Variants in PPP4R1 observed in about 807,000 individuals in gnomAD.
PPP4R1 encodes the protein protein phosphatase 4 regulatory subunit 1, also known as serine/threonine-protein phosphatase 4 regulatory subunit 1.
A neutral mutation model predicts 111.2 loss-of-function variants in PPP4R1; 42 were observed. That is an observed-to-expected ratio of 0.38 (90% CI 0.29 to 0.49). PPP4R1 has a LOEUF of 0.49. Among genes scored for constraint, PPP4R1 ranks in the 20% least tolerant of loss-of-function variants. PPP4R1 has a pLI of 0.97. For missense variants in PPP4R1, 1,012 were observed against 1,161.6 expected (o/e 0.87, Z 1.87); for synonymous variants, 409 against 405.5 (o/e 1.01, Z -0.10).
intron 6 of PPP4R1, chr18:9,587,634 GGTCTC>G (rs2067142051): frequency 6.5e-6 from 1 of 152,868 alleles, no homozygotes; most frequent in African/African-American, 2.4e-5. Context: ...TCAAACCCCT[GGTCTC>G]AAGTGATCCT....
At chr18:9,607,815 G>A (rs1003302814) in intron 2 of PPP4R1, among the ~76,000 whole-genome samples, 23 of 135,698 alleles carry the variant, frequency 1.7e-4, no homozygotes, top group African/African-American at 5.0e-4. Context: ...ATGGAGTTTC[G>A]CTCGTTGCCC....
At chr18:9,557,420 A>G in intron 14 of PPP4R1, 38 bp from the exon 15 acceptor site, 1 of 1,530,414 alleles carries the variant, frequency 6.5e-7, no homozygotes, top group Non-Finnish European at 8.8e-7. Flanking sequence ...CTAACCACAA[A>G]GTACGCAGTA....
At position 9,559,433 on chromosome 18, in the gene PPP4R1, C is replaced by A; in HGVS notation, c.2014G>T (p.Ala672Ser). ...HCLRETYETL[A>S]SDMQWKVRRT... The stretch of plus-strand genomic sequence containing the variant: ...GCTTTACTCACCTGCATGTCTGAGG[C>A]CAGAGTCTCATACGTCTCTCTCAGG... Residue 672 changes from alanine (A) to serine (S), a missense_variant, in exon 14 of 20, where the codon GCC becomes TCC. Ala to Ser is a moderately conservative substitution (Grantham distance 99, BLOSUM62 1). This residue lies in a region of PPP4R1 where 305 missense variants were observed against 419.5 expected (regional missense o/e 0.73). Coordinates refer to ENST00000400556, the MANE Select transcript of PPP4R1 (RefSeq NM_001042388.3). 6.2e-7 allele frequency: 1 copy of A among 1,610,582 alleles called. No individual in the cohort carries two copies. Among genetic ancestry groups the A allele is most frequent in the African/African-American group, 1.3e-5 (1 of 74,950 alleles).
At chr18:9,590,309 G>C (rs537823651) in intron 4 of PPP4R1, 1 of 152,254 alleles carries the variant, frequency 6.6e-6, no homozygotes, top group Admixed American at 6.5e-5. Context: ...CCAATATCTG[G>C]AATTTCTATT....
At position 9,553,348 on chromosome 18, in the gene PPP4R1, A is replaced by C. The variant is rs2066518916; in HGVS notation, c.2265T>G (p.Asn755Lys). The part of the protein sequence containing the change: ...QEFLVTDNSR[N>K]WRFRAELAEQ... Reference sequence around the variant, plus strand: ...CAGCCAGTTCAGCTCGAAACCGCCAATTTCTACTATTATCTGTCACCAAAA... The same window carrying C: ...CAGCCAGTTCAGCTCGAAACCGCCACTTTCTACTATTATCTGTCACCAAAA... Residue 755 changes from asparagine (N) to lysine (K), a missense_variant, in exon 16 of 20, where the codon AAT (asparagine) becomes AAG (lysine). Coordinates refer to ENST00000400556, the MANE Select transcript of PPP4R1 (RefSeq NM_001042388.3). 1 of 1,599,964 alleles carries C rather than the reference A, an allele frequency of 6.3e-7. No homozygotes were observed. Among genetic ancestry groups the C allele is most frequent in the Non-Finnish European group, 8.6e-7 (1 of 1,167,698 alleles).
In PPP4R1 at chr18:9,614,160, C is replaced by T; in HGVS notation, c.52+66G>A. ...CAGCCAGGGCCCGGCCCAGGCCTCG[C>T]CGCCGCCCGCCCTCCCCGGCCGCTC... On this transcript the variant is annotated intron_variant, in intron 2 of 19. Coordinates refer to ENST00000400556, the MANE Select transcript of PPP4R1 (RefSeq NM_001042388.3). This position sits in a 1 kb window ranked among gnomAD's most constrained non-coding sequence, Gnocchi z 4.1. The T allele has an allele frequency of 7.9e-7, 1 of 1,262,486 alleles. No homozygotes were observed. The highest frequency in any genetic ancestry group is 4.1e-5 in the Admixed American group (1 of 24,466). The allele number at this position is 1,262,486 out of a possible 1,614,324, so 78.2% of individuals were successfully genotyped here. A position where few individuals can be genotyped will look rare whatever the true frequency, so the allele number is the denominator to read the frequency against.
chr18:9,567,766 A>G (rs1208055520), intron 11 of PPP4R1, among the ~76,000 whole-genome samples: 1 of 152,178 alleles, frequency 6.6e-6, no homozygotes, highest in Non-Finnish European at 1.5e-5. Flanking sequence ...ATCTTTCATG[A>G]AAGGAAGAGT....
At chr18:9,596,471 T>TATA (rs1168968337) in intron 2 of PPP4R1, among the ~76,000 whole-genome samples, 1 of 152,240 alleles carries the variant, frequency 6.6e-6, no homozygotes, top group African/African-American at 2.4e-5. Flanking sequence ...AGTAAGTTAT[T>TATA]GGCTCCATGA....
At chr18:9,573,038 A>C (rs954783095) in intron 10 of PPP4R1, among the ~76,000 whole-genome samples, 1 of 152,232 alleles carries the variant, frequency 6.6e-6, no homozygotes, top group African/African-American at 2.4e-5. Flanking sequence ...GAGTTGGCCT[A>C]GATAACCTGT....
chr18:9,585,607 A>G (rs1270748326), intron 6 of PPP4R1, among the ~76,000 whole-genome samples: 1 of 152,220 alleles, frequency 6.6e-6, no homozygotes, highest in Non-Finnish European at 1.5e-5. Flanking sequence ...AATTCTCTCT[A>G]TTCAAATACG....
At position 9,614,148 on chromosome 18, in the gene PPP4R1, GC is replaced by G; in HGVS notation, c.52+77del. On this transcript the variant is annotated intron_variant, in intron 2 of 19. Transcript: ENST00000400556. The surrounding 1 kb of genome is among the most constrained non-coding windows in gnomAD (Gnocchi z 4.1). ...CGTCCCCTCAGCCAGCCAGGGCCCG[GC>G]CCAGGCCTCGCCGCCGCCCGCCCTC... 1 of 1,213,832 alleles carries G rather than the reference GC, an allele frequency of 8.2e-7. No homozygotes were observed. Among genetic ancestry groups the G allele is most frequent in the Non-Finnish European group, 1.0e-6 (1 of 953,182 alleles). The allele number at this position is 1,213,832 out of a possible 1,614,324, so 75.2% of individuals were successfully genotyped here.
chr18:9,550,217 C>T (rs775636712), intron 17 of PPP4R1, 31 bp from the exon 18 acceptor site: 1 of 1,614,198 alleles, frequency 6.2e-7, no homozygotes, highest in South Asian at 1.1e-5. Flanking sequence ...AAATGAGGAA[C>T]AGCTTCCATT....
intron 11 of PPP4R1, among the ~76,000 whole-genome samples, chr18:9,567,541 T>C (rs1233340781): frequency 2.0e-5 from 3 of 152,160 alleles, no homozygotes; most frequent in Admixed American, 2.0e-4. Context: ...CTTGAACAAA[T>C]GCCTCTTAGG....
intron 4 of PPP4R1, 91 bp from the exon 5 acceptor site, chr18:9,588,944 C>A: frequency 6.9e-7 from 1 of 1,449,790 alleles, no homozygotes; most frequent in Non-Finnish European, 9.3e-7. Flanking sequence ...AGGCTATGGA[C>A]TTTCATCTTC....
At chr18:9,595,592 T>C (rs1368379876) in intron 2 of PPP4R1, among the ~76,000 whole-genome samples, 2 of 152,180 alleles carry the variant, frequency 1.3e-5, no homozygotes, top group African/African-American at 4.8e-5. Context: ...TATATTTACA[T>C]TCATTAAACA....
intron 2 of PPP4R1, chr18:9,612,666 C>T (rs2145376477): frequency 6.6e-6 from 1 of 152,318 alleles, no homozygotes; most frequent in African/African-American, 2.4e-5. Context: ...CTCGAGGTAA[C>T]ATAATCAGGG....
chr18:9,605,928 A>G (rs930777747), intron 2 of PPP4R1, among the ~76,000 whole-genome samples: 3 of 152,194 alleles, frequency 2.0e-5, no homozygotes, highest in African/African-American at 7.2e-5. Context: ...ATTACATTAC[A>G]TTGTGTGTGT....
chr18:9,585,235 C>T (rs2067097128), intron 6 of PPP4R1, among the ~76,000 whole-genome samples: 1 of 152,136 alleles, frequency 6.6e-6, no homozygotes, highest in South Asian at 2.1e-4. Context: ...AAACTATCCC[C>T]AGGAAAGATC....
chr18:9,578,585 T>C (rs1380431544), intron 9 of PPP4R1, among the ~76,000 whole-genome samples: 1 of 152,066 alleles, frequency 6.6e-6, no homozygotes, highest in Admixed American at 6.6e-5. Flanking sequence ...ATAATACCTT[T>C]TTCAAGTTTA....
Sources: allele counts gnomAD v4.1 joint callset (sites outside exome capture counted in the v4.1 genomes callset), GRCh38; gene constraint gnomAD v4.1.1; regional missense constraint gnomAD v4.1.1; non-coding constraint Gnocchi (gnomAD v3.1); transcripts MANE v1.5; gene names NCBI Gene and HGNC (gene_info 2026-07-23, HGNC 2026-07-21).